KCNMB2: variants seen among roughly 807,000 people sequenced by gnomAD.
KCNMB2 encodes the protein potassium calcium-activated channel subfamily M regulatory beta subunit 2, also known as calcium-activated potassium channel subunit beta-2.
Under a neutral mutation model 24.5 loss-of-function variants are expected in KCNMB2, and 9 were observed. The observed-to-expected ratio is 0.37, with a 90% CI of 0.22 to 0.64. KCNMB2 has a LOEUF of 0.64. Ranked by LOEUF, KCNMB2 falls within the 30% of genes least tolerant of loss-of-function variation. The probability of loss-of-function intolerance (pLI) is 0.63; values close to 1 mark genes in which losing one functional copy is unlikely to be tolerated. For missense variants in KCNMB2, 226 were observed against 284.3 expected (o/e 0.79, Z 1.47); for synonymous variants, 109 against 104.4 (o/e 1.04, Z -0.27).
intron 1 of KCNMB2, among the ~76,000 whole-genome samples, chr3:178,601,700 A>G (rs1381017136): frequency 6.6e-6 from 1 of 152,158 alleles, no homozygotes; most frequent in Non-Finnish European, 1.5e-5. Flanking sequence ...CTTCTCGGAT[A>G]TTCTTAAAGT....
chr3:178,580,584 T>A (rs917870424), intron 1 of KCNMB2, among the ~76,000 whole-genome samples: 2 of 152,226 alleles, frequency 1.3e-5, no homozygotes, highest in Non-Finnish European at 2.9e-5. Context: ...ATTGTCTCTG[T>A]TTGAAGGTGA....
At chr3:178,773,282 C>T (rs1410551579) in intron 1 of KCNMB2, among the ~76,000 whole-genome samples, 2 of 147,692 alleles carry the variant, frequency 1.4e-5, no homozygotes, top group Non-Finnish European at 3.0e-5. Flanking sequence ...ATTTCCACTT[C>T]ATTATTTTCT....
rs954862295 is a variant in KCNMB2 at position 178,615,661 on chromosome 3, T to A, written c.-68+78950T>A. Among the ~76,000 whole-genome samples the A allele has an allele frequency of 3.3e-5, 5 of 152,182 alleles. No homozygotes were observed. In the East Asian group the frequency reaches 9.6e-4, roughly 29 times the overall value. Reference sequence around the variant, plus strand: ...AGTGCTGCCTGGCCTGGGACTCACCTGTCAGGGCAATGGGCTCCCCGCTGG... The same window carrying A: ...AGTGCTGCCTGGCCTGGGACTCACCAGTCAGGGCAATGGGCTCCCCGCTGG... On this transcript the variant is annotated intron_variant, in intron 1 of 4. Coordinates refer to ENST00000452583, the MANE Select transcript of KCNMB2 (RefSeq NM_181361.3).
Position 178,807,379 on chromosome 3 carries a change from G to C in KCNMB2, c.-31G>C. Reference sequence around the variant, plus strand: ...ATTCCTCCAGGACATCCACCATAAGGAAAGGAGACCCTGGACCAACATTCT... The same window carrying C: ...ATTCCTCCAGGACATCCACCATAAGCAAAGGAGACCCTGGACCAACATTCT... On this transcript the variant is annotated 5_prime_UTR_variant, in exon 2 of 5. Transcript: ENST00000452583. 6.2e-7 allele frequency: 1 copy of C among 1,604,474 alleles called. No homozygotes were observed. Among genetic ancestry groups the C allele is most frequent in the East Asian group, 2.2e-5 (1 of 44,790 alleles).
At chr3:178,736,511 A>T (rs1723321315) in intron 1 of KCNMB2, among the ~76,000 whole-genome samples, 1 of 152,182 alleles carries the variant, frequency 6.6e-6, no homozygotes, top group Non-Finnish European at 1.5e-5. Flanking sequence ...AAGCCCCACA[A>T]GCTATACAAA....
intron 1 of KCNMB2, among the ~76,000 whole-genome samples, chr3:178,693,431 C>T (rs555197573): frequency 5.3e-5 from 8 of 152,194 alleles, no homozygotes; most frequent in South Asian, 4.1e-4. Context: ...CCTTCAATAA[C>T]GAGTTTATTG....
intron 1 of KCNMB2, among the ~76,000 whole-genome samples, chr3:178,615,762 T>TGCC (rs1469385200): frequency 6.6e-6 from 1 of 152,236 alleles, no homozygotes; most frequent in African/African-American, 2.4e-5. Flanking sequence ...CTTGATGCTC[T>TGCC]GCCTCACTGT....
intron 1 of KCNMB2, among the ~76,000 whole-genome samples, chr3:178,755,053 C>A (rs1033537358): frequency 1.3e-5 from 2 of 152,218 alleles, no homozygotes; most frequent in African/African-American, 2.4e-5. Flanking sequence ...TTAGGCTCCC[C>A]TACCGCATCT....
At chr3:178,630,524 A>G (rs1577060856) in intron 1 of KCNMB2, among the ~76,000 whole-genome samples, 1 of 152,232 alleles carries the variant, frequency 6.6e-6, no homozygotes, top group African/African-American at 2.4e-5. Flanking sequence ...CTGGTTCCTA[A>G]CTAGAGTTAC....
chr3:178,701,437 A>C lies in KCNMB2; in HGVS notation c.-67-105906A>C, dbSNP rs113252666. 1.7e-3 allele frequency among the ~76,000 whole-genome samples: 263 copies of C among 152,260 alleles called. 1 individual carries two copies. Among genetic ancestry groups the C allele is most frequent in the African/African-American group, 6.0e-3 (251 of 41,554 alleles). Reference sequence around the variant, plus strand: ...TTGGCTTAGGATTGACTTGGCAATGAGGGCTCTTTTTTGGTTTCATATGAA... The same window carrying C: ...TTGGCTTAGGATTGACTTGGCAATGCGGGCTCTTTTTTGGTTTCATATGAA... On this transcript the variant is annotated intron_variant, in intron 1 of 4. Coordinates refer to ENST00000452583, the MANE Select transcript of KCNMB2 (RefSeq NM_181361.3).
chr3:178,636,454 G>A (rs1719526171), intron 1 of KCNMB2, among the ~76,000 whole-genome samples: 1 of 152,054 alleles, frequency 6.6e-6, no homozygotes, highest in Non-Finnish European at 1.5e-5. Flanking sequence ...CTTCAACTTA[G>A]ATGAATTATG....
intron 1 of KCNMB2, among the ~76,000 whole-genome samples, chr3:178,547,499 T>A (rs375606112): frequency 1.3e-5 from 2 of 152,194 alleles, no homozygotes; most frequent in African/African-American, 4.8e-5. Flanking sequence ...TCATAAAACA[T>A]TTTAAAATTA....
chr3:178,598,616 T>G (rs1361498072), intron 1 of KCNMB2, among the ~76,000 whole-genome samples: 1 of 151,676 alleles, frequency 6.6e-6, no homozygotes, highest in Non-Finnish European at 1.5e-5. Context: ...ATGGAACTGG[T>G]GATGTTTGAG....
intron 1 of KCNMB2, among the ~76,000 whole-genome samples, chr3:178,691,107 C>CTTTTTTTT (rs71181241): frequency 0.079 from 6,309 of 79,582 alleles, 1,198 homozygotes; most frequent in Middle Eastern, 0.12. Context: ...CCCATTAAGT[C>CTTTTTTTT]TTTTTTTTTT....
intron 1 of KCNMB2, among the ~76,000 whole-genome samples, chr3:178,752,122 A>G (rs2108390288): frequency 6.6e-6 from 1 of 152,364 alleles, no homozygotes; most frequent in South Asian, 2.1e-4. Flanking sequence ...GTTGTTATAT[A>G]GCTACAAAGT....
chr3:178,557,087 A>G (rs372982574), intron 1 of KCNMB2, among the ~76,000 whole-genome samples: 8 of 152,242 alleles, frequency 5.3e-5, no homozygotes, highest in Non-Finnish European at 8.8e-5. Context: ...TAATTAATCA[A>G]TCAAGACCTC....
chr3:178,698,393 C>G (rs1417109451), intron 1 of KCNMB2, among the ~76,000 whole-genome samples: 3 of 152,274 alleles, frequency 2.0e-5, no homozygotes, highest in Middle Eastern at 3.4e-3. Context: ...GAGAGTGTTT[C>G]CTCCACTTGG....
chr3:178,823,347 T>C (rs1714707873), intron 2 of KCNMB2, among the ~76,000 whole-genome samples: 1 of 152,006 alleles, frequency 6.6e-6, no homozygotes, highest in African/African-American at 2.4e-5. Context: ...GCAATGACCA[T>C]GAGCAGCCAA....
At position 178,756,559 on chromosome 3, in the gene KCNMB2, G is replaced by A. The variant is rs138465888; in HGVS notation, c.-67-50784G>A. 1.0e-3 allele frequency among the ~76,000 whole-genome samples: 152 copies of A among 152,050 alleles called. No homozygotes were observed. In the East Asian group the frequency reaches 0.018, roughly 18 times the overall value. On this transcript the variant is annotated intron_variant, in intron 1 of 4. Coordinates refer to ENST00000452583, the MANE Select transcript of KCNMB2 (RefSeq NM_181361.3). ...GTCAAGAAGAGTTTAAATTTTTCCT[G>A]AACCTGGGTAAAATGAATATAAATT...
Sources: allele counts gnomAD v4.1 joint callset (sites outside exome capture counted in the v4.1 genomes callset), GRCh38; gene constraint gnomAD v4.1.1; transcripts MANE v1.5; gene names NCBI Gene and HGNC (gene_info 2026-07-23, HGNC 2026-07-21).